RTEL1: variants seen among roughly 807,000 people sequenced by gnomAD.
RTEL1 encodes the protein regulator of telomere elongation helicase 1, also known as regulator of telomere length.
A neutral mutation model predicts 162.2 loss-of-function variants in RTEL1; 86 were observed. That is an observed-to-expected ratio of 0.53 (90% confidence interval 0.45 to 0.63). The LOEUF is 0.63. RTEL1 is among the 30% of genes least tolerant of loss of function. RTEL1 has a pLI of 0.00. For missense variants in RTEL1, 1,941 were observed against 1,750.2 expected (o/e 1.11, Z -1.95); for synonymous variants, 958 against 717.9 (o/e 1.33, Z -5.35).
rs762206556 is a variant in RTEL1, at chr20:63,693,251, G to C, written c.2960G>C (p.Arg987Thr). ...CGGCCTGAGCACAGCATTCCCCGAA[G>C]GCAGCGGGCACAGCCGGTCCTGGAC... ...GYRPEHSIPR[R>T]QRAQPVLDPT... The change falls in exon 30 of 35, where the codon AGG becomes ACG. Residue 987 changes from arginine to threonine, a missense_variant. Physicochemically the swap from Arg to Thr is moderately conservative, Grantham distance 71. Coordinates refer to ENST00000360203, the MANE Select transcript of RTEL1 (RefSeq NM_001283009.2). 3 of 1,611,966 alleles carry C rather than the reference G, an allele frequency of 1.9e-6. No individual in the cohort carries two copies. The highest frequency in any genetic ancestry group is 2.2e-5 in the South Asian group (2 of 91,088).
In RTEL1 at chr20:63,688,016, G is replaced by C; in HGVS notation, c.1561G>C (p.Asp521His). The C allele has an allele frequency of 6.2e-7, 1 of 1,612,784 alleles. No individual in the cohort carries two copies. Among genetic ancestry groups the C allele is most frequent in the Non-Finnish European group, 8.5e-7 (1 of 1,179,976 alleles). Reference protein sequence around the residue: ...IWVGVVPRGPDGAQLSSAFDR... With the variant: ...IWVGVVPRGPHGAQLSSAFDR... Reference sequence around the variant, plus strand: ...GGTGGGGGTCGTCCCCAGAGGCCCCGATGGAGCCCAGTTGAGCTCCGCGTT... The same window carrying C: ...GGTGGGGGTCGTCCCCAGAGGCCCCCATGGAGCCCAGTTGAGCTCCGCGTT... Residue 521 changes from aspartate (D) to histidine (H), a missense_variant, in exon 18 of 35, where the codon GAT becomes CAT. Asp to His is a moderately conservative substitution (Grantham distance 81, BLOSUM62 -1). Transcript: ENST00000360203.
At chr20:63,691,232 T>C (rs1341131751) in intron 27 of RTEL1, among the ~76,000 whole-genome samples, 1 of 151,670 alleles carries the variant, frequency 6.6e-6, no homozygotes, top group Non-Finnish European at 1.5e-5. Flanking sequence ...CTCAGTGCAC[T>C]CAAGGTCGGG....
Position 63,695,324 on chromosome 20 carries a change from C to T in RTEL1, c.3500-4C>T, listed in dbSNP as rs375417864. ...CCCCCTCAGACTCAAGTCTCTGTCT[C>T]CAGGCCCCTCACGGTCCGAGAAGAC... On this transcript the variant is annotated splice_polypyrimidine_tract_variant and splice_region_variant and intron_variant, in intron 33 of 34. Transcript: ENST00000360203. The T allele has an allele frequency of 2.6e-6, 4 of 1,566,432 alleles. No homozygotes were observed. The highest frequency in any genetic ancestry group is 1.8e-5 in the Admixed American group (1 of 55,198).
At position 63,695,468 on chromosome 20, in the gene RTEL1, G is replaced by A. The variant is rs1247941163; in HGVS notation, c.3640G>A (p.Ala1214Thr). 3.7e-6 allele frequency: 6 copies of A among 1,601,628 alleles called. No individual in the cohort carries two copies. The highest frequency in any genetic ancestry group is 8.5e-7 in the Non-Finnish European group (1 of 1,173,762). ...QSSGPPHGPA[A>T]SEWGEPHGRD... is the part of the protein sequence containing the mutation. ...CTCAGGACCTCCCCACGGGCCTGCA[G>A]CATCTGAGTGGGGTGAGCCTCATGG... is the stretch of plus-strand genomic sequence containing the variant. The change falls in exon 34 of 35, where the codon GCA becomes ACA. Residue 1214 changes from alanine (A) to threonine (T), a missense_variant. Ala to Thr is a moderately conservative substitution (Grantham distance 58). Coordinates refer to ENST00000360203, the MANE Select transcript of RTEL1 (RefSeq NM_001283009.2).
intron 9 of RTEL1, 64 bp downstream of exon 9, chr20:63,672,685 C>A: frequency 7.2e-7 from 1 of 1,389,250 alleles, no homozygotes; most frequent in Non-Finnish European, 1.0e-6. Context: ...AAGAGCCACG[C>A]AAACCTTTCT....
rs1163744221 is a variant in RTEL1 at position 63,694,426 on chromosome 20, T to C, written c.3047T>C (p.Leu1016Pro). Residue 1016 changes from leucine (L) to proline (P), a missense_variant, in exon 31 of 35, where the codon CTG becomes CCG. By Grantham distance (98) the Leu-to-Pro change is moderately conservative. Transcript: ENST00000360203. ...LTVSTAAAQQLDPQEHLNQGR... is the reference protein window; with the variant it reads ...LTVSTAAAQQPDPQEHLNQGR... Reference sequence around the variant, plus strand: ...GTGTCCACGGCTGCAGCCCAGCAGCTGGACCCCCAAGAGCACCTGAACCAG... The same window carrying C: ...GTGTCCACGGCTGCAGCCCAGCAGCCGGACCCCCAAGAGCACCTGAACCAG... 6.2e-7 allele frequency: 1 copy of C among 1,612,232 alleles called. No individual in the cohort carries two copies.
chr20:63,693,492 T>TCCACCACCTCCACCA (rs1568720292), intron 30 of RTEL1, among the ~76,000 whole-genome samples: 1 of 4,334 alleles, frequency 2.3e-4, no homozygotes, highest in Non-Finnish European at 4.6e-4. Flanking sequence ...CACCACCACC[T>TCCACCACCTCCACCA]CCACCTCCAC....
At chr20:63,693,372 GGGCCCTGCTT>G (rs1325408956) in intron 30 of RTEL1, 89 bp downstream of exon 30, 2 of 1,524,332 alleles carry the variant, frequency 1.3e-6, no homozygotes, top group Non-Finnish European at 1.8e-6. Context: ...GGGCATCCTC[GGGCCCTGCTT>G]GGCCCCGCCT....
chr20:63,690,480 G>A, intron 26 of RTEL1, 39 bp downstream of exon 26: 1 of 1,467,282 alleles, frequency 6.8e-7, no homozygotes, highest in Non-Finnish European at 9.1e-7. Flanking sequence ...TGTGGGGGTG[G>A]CGGAGCGGGC....
chr20:63,693,941 T>A (rs1276956631), intron 30 of RTEL1, among the ~76,000 whole-genome samples: 1 of 151,192 alleles, frequency 6.6e-6, no homozygotes, highest in Non-Finnish European at 1.5e-5. Context: ...CCTAGACCCC[T>A]GTCCTCCCTG....
At position 63,695,163 on chromosome 20, in the gene RTEL1, AC is replaced by A; in HGVS notation, c.3445del (p.Gln1149ArgfsTer215). 6.2e-7 allele frequency: 1 copy of A among 1,612,272 alleles called. No individual in the cohort carries two copies. The highest frequency in any genetic ancestry group is 8.5e-7 in the Non-Finnish European group (1 of 1,179,800). The stretch of plus-strand genomic sequence containing the variant: ...CCTACCCGGGCATGGAGCCACCGGG[AC>A]CCCAGGAGGAGAGGCTTGCCGTGCC... Reference protein sequence around the residue: ...RPYPGMEPPGPQEERLAVPPV... With the variant: ...RPYPGMEPPGXQEERLAVPPV... On this transcript the variant is annotated frameshift_variant, in exon 33 of 35. Transcript: ENST00000360203. LOFTEE classifies it high-confidence loss of function.
intron 11 of RTEL1, 24 bp downstream of exon 11, chr20:63,678,207 C>T: frequency 6.2e-7 from 1 of 1,613,598 alleles, no homozygotes; most frequent in Non-Finnish European, 8.5e-7. Context: ...TCCCCGCCTC[C>T]TTGCAGCTGG....
rs2146217181 is a variant in RTEL1, at chr20:63,679,836, T to C, written c.1038-13T>C. 7 of 1,606,388 alleles carry C rather than the reference T, an allele frequency of 4.4e-6. No individual in the cohort carries two copies. The highest frequency in any genetic ancestry group is 5.9e-6 in the Non-Finnish European group (7 of 1,177,826). ...CCCCGCCAGGCTCGAGCCTGCCTTC[T>C]TCTCCTCGGCAGCTACATCTTTGAG... is the stretch of plus-strand genomic sequence containing the variant. On this transcript the variant is annotated splice_polypyrimidine_tract_variant and intron_variant, in intron 12 of 34. Transcript: ENST00000360203.
At chr20:63,659,640 G>A in intron 2 of RTEL1, 136 bp downstream of exon 2, 1 of 706,830 alleles carries the variant, frequency 1.4e-6, no homozygotes, top group Non-Finnish European at 2.5e-6. Flanking sequence ...AAGGGCTGGT[G>A]TTCCAGGTGG....
In RTEL1 at chr20:63,694,703, C is replaced by A. The variant is rs762298670; in HGVS notation, c.3110-38C>A. 99 of 1,527,076 alleles carry A rather than the reference C, an allele frequency of 6.5e-5. 1 individual carries two copies. Among genetic ancestry groups the A allele is most frequent in the African/African-American group, 4.4e-4 (32 of 72,762 alleles). The allele number at this position is 1,527,076 out of a possible 1,614,324, so 94.6% of individuals were successfully genotyped here. Reference sequence around the variant, plus strand: ...GGGCGGTGGGACTCTCAGTCCTCCACCCCAGCGCCACTCTGAGCCATGCTA... The same window carrying A: ...GGGCGGTGGGACTCTCAGTCCTCCAACCCAGCGCCACTCTGAGCCATGCTA... On this transcript the variant is annotated intron_variant, in intron 31 of 34. Transcript: ENST00000360203.
intron 7 of RTEL1, among the ~76,000 whole-genome samples, chr20:63,666,379 G>A (rs1393058964): frequency 6.6e-6 from 1 of 151,406 alleles, no homozygotes; most frequent in Non-Finnish European, 1.5e-5. Flanking sequence ...TCCTGCAGTT[G>A]GCTGTTTTCA....
chr20:63,678,709 A>G (rs1424888911), intron 12 of RTEL1, among the ~76,000 whole-genome samples: 1 of 117,930 alleles, frequency 8.5e-6, no homozygotes, highest in Non-Finnish European at 1.7e-5. Context: ...ACACACTCCC[A>G]CGGAACAGCA....
In RTEL1 at chr20:63,688,329, G is replaced by A; in HGVS notation, c.1665G>A (p.Gly555=). ...LGNIARVVPY[G]LLIFFPSYPV... is the part of the protein sequence containing the mutation. ...ACATCGCCCGCGTGGTGCCCTATGG[G>A]CTCCTGATCTTCTTCCCTTCCTATC... The change falls in exon 20 of 35, where the codon GGG becomes GGA. Residue 555 remains glycine, a synonymous_variant. Transcript: ENST00000360203. 1 of 1,612,592 alleles carries A rather than the reference G, an allele frequency of 6.2e-7. No individual in the cohort carries two copies. Among genetic ancestry groups the A allele is most frequent in the Non-Finnish European group, 8.5e-7 (1 of 1,179,972 alleles).
intron 33 of RTEL1, 41 bp downstream of exon 33, chr20:63,695,262 G>A (rs745881251): frequency 5.0e-5 from 80 of 1,606,016 alleles, no homozygotes; most frequent in Non-Finnish European, 6.0e-5. Context: ...CGCCCCAACC[G>A]CACGCAGCCC....
Sources: allele counts gnomAD v4.1 joint callset (sites outside exome capture counted in the v4.1 genomes callset), GRCh38; gene constraint gnomAD v4.1.1; transcripts MANE v1.5; gene names NCBI Gene and HGNC (gene_info 2026-07-23, HGNC 2026-07-21).